Variants in MYH11 observed in about 807,000 individuals in gnomAD.
The protein encoded by MYH11 is myosin-11.
MYH11 carries 80 observed loss-of-function variants against 246.6 expected under a neutral mutation model. The ratio of observed to expected loss-of-function variants is 0.32; its 90% confidence interval spans 0.27 to 0.39. The LOEUF is 0.39. Ranked by LOEUF, MYH11 falls within the 10% of genes least tolerant of loss-of-function variation. The pLI, the probability that MYH11 is intolerant of heterozygous loss-of-function variation, is 1.00. For missense variants in MYH11, 2,158 were observed against 2,546.8 expected (o/e 0.85, Z 3.29); for synonymous variants, 1,071 against 1,015.5 (o/e 1.05, Z -1.04).
chr16:15,774,735 G>A (rs372256820), intron 8 of MYH11, among the ~76,000 whole-genome samples: 2 of 152,078 alleles, frequency 1.3e-5, no homozygotes, highest in African/African-American at 2.4e-5. Context: ...GATGACAGGC[G>A]CCAGCCACCA....
intron 26 of MYH11, 105 bp downstream of exon 26, chr16:15,735,261 T>A: frequency 1.6e-6 from 2 of 1,262,008 alleles, no homozygotes; most frequent in Non-Finnish European, 2.3e-6. Flanking sequence ...GGAAGGTAAA[T>A]GCACAGGGGC....
At chr16:15,781,332 G>A (rs1414393259) in intron 6 of MYH11, among the ~76,000 whole-genome samples, 6 of 151,994 alleles carry the variant, frequency 3.9e-5, no homozygotes, top group Admixed American at 1.3e-4. Context: ...TTCTAATTTC[G>A]GGCGAGGAAA....
intron 3 of MYH11, among the ~76,000 whole-genome samples, chr16:15,819,860 G>A (rs77081170): frequency 0.14 from 20,836 of 152,128 alleles, 1,471 homozygotes; most frequent in East Asian, 0.15. Context: ...CAACACAAAA[G>A]TATTCTTCAA....
intron 1 of MYH11, among the ~76,000 whole-genome samples, chr16:15,855,759 C>T (rs778035187): frequency 2.8e-4 from 42 of 152,156 alleles, no homozygotes; most frequent in Non-Finnish European, 5.4e-4. Context: ...CGTCAAGTTC[C>T]GTCTCTGAAC....
intron 40 of MYH11, 194 bp downstream of exon 40, chr16:15,714,715 C>T: frequency 1.4e-6 from 1 of 700,326 alleles, no homozygotes; most frequent in African/African-American, 1.8e-5. Context: ...TGCTACCAGG[C>T]AAGGCAGGGC....
At chr16:15,835,843 T>C (rs1378915758) in intron 2 of MYH11, among the ~76,000 whole-genome samples, 1 of 150,164 alleles carries the variant, frequency 6.7e-6, no homozygotes, top group Non-Finnish European at 1.5e-5. Flanking sequence ...AGCCTTGAAC[T>C]CCTGGGCTCA....
chr16:15,794,657 C>A (rs62030578), intron 4 of MYH11, among the ~76,000 whole-genome samples: 13,695 of 152,014 alleles, frequency 0.09, 830 homozygotes, highest in Non-Finnish European at 0.12. Flanking sequence ...CTGAGAAGAT[C>A]GAGGGGAAGG....
chr16:15,830,776 G>A (rs1596920841), intron 2 of MYH11, among the ~76,000 whole-genome samples: 1 of 152,052 alleles, frequency 6.6e-6, no homozygotes, highest in Non-Finnish European at 1.5e-5. Flanking sequence ...TACTCAGGAG[G>A]CTGGGGCGGG....
At chr16:15,714,615 G>A (rs1372039859) in intron 40 of MYH11, 2 of 547,030 alleles carry the variant, frequency 3.7e-6, no homozygotes, top group Non-Finnish European at 6.6e-6. Context: ...AGGAGGGGCT[G>A]GAGGAGACAG....
chr16:15,792,616 A>C (rs973892068), intron 4 of MYH11: 1 of 152,044 alleles, frequency 6.6e-6, no homozygotes, highest in African/African-American at 2.4e-5. Flanking sequence ...TGTTTCAATA[A>C]AACTTTATCT....
chr16:15,845,722 GAA>G (rs1491472141), intron 1 of MYH11, among the ~76,000 whole-genome samples: 3 of 151,960 alleles, frequency 2.0e-5, no homozygotes, highest in Admixed American at 6.6e-5. Flanking sequence ...GAGAGAGAGA[GAA>G]AAAGAAGGAG....
chr16:15,704,976 GC>G, intron 40 of MYH11, among the ~76,000 whole-genome samples: 1 of 152,274 alleles, frequency 6.6e-6, no homozygotes, highest in Non-Finnish European at 1.5e-5. Flanking sequence ...ACCACACCTG[GC>G]CTTCAAGGTG....
Position 15,825,762 on chromosome 16 carries a change from G to A in MYH11, c.346-2351C>T, listed in dbSNP as rs550847821. On this transcript the variant is annotated intron_variant, in intron 2 of 40. Coordinates refer to ENST00000300036, the MANE Select transcript of MYH11 (RefSeq NM_002474.3). ...CAAGGCGAGTCCCGCCATGCTGTAC[G>A]TGGTAAGGCACTATTGTCATGATTT... 5.3e-5 allele frequency among the ~76,000 whole-genome samples: 8 copies of A among 152,158 alleles called. No homozygotes were observed. The South Asian group carries it at 8.3e-4, about 16-fold the overall frequency.
chr16:15,826,135 A>ATCGT (rs749414391), intron 2 of MYH11, among the ~76,000 whole-genome samples: 184 of 150,474 alleles, frequency 1.2e-3, no homozygotes, highest in Admixed American at 5.2e-3. Context: ...GAAACTACTG[A>ATCGT]TCGTTCGTTC....
At chr16:15,715,450 A>C (rs1421896549) in intron 38 of MYH11, among the ~76,000 whole-genome samples, 178 bp from the exon 39 acceptor site, 2 of 152,210 alleles carry the variant, frequency 1.3e-5, no homozygotes, top group Admixed American at 1.3e-4. Context: ...GTATCAATGC[A>C]TGCCACAGCA....
At chr16:15,821,416 A>G (rs2043407022) in intron 3 of MYH11, among the ~76,000 whole-genome samples, 3 of 152,220 alleles carry the variant, frequency 2.0e-5, no homozygotes, top group Admixed American at 2.0e-4. Flanking sequence ...GGTGCCAGCA[A>G]GTTCTCTTTT....
In MYH11 at chr16:15,771,603, C is replaced by T. The variant is rs751216435; in HGVS notation, c.999G>A (p.Met333Ile). ...CCTCCTCGCTGAAACCCATGATTGC[C>T]ATGGCCTCCACGGTTTCCTGGAACA... ...DEMFQETVEA[M>I]AIMGFSEEEQ... Residue 333 changes from methionine to isoleucine, a missense_variant, in exon 9 of 41, where the codon ATG becomes ATA. Coordinates refer to ENST00000300036, the MANE Select transcript of MYH11 (RefSeq NM_002474.3). 6.2e-7 allele frequency: 1 copy of T among 1,614,030 alleles called. No individual in the cohort carries two copies. Among genetic ancestry groups the T allele is most frequent in the Non-Finnish European group, 8.5e-7 (1 of 1,180,004 alleles).
chr16:15,777,971 T>C lies in MYH11; in HGVS notation c.790+809A>G, dbSNP rs146517135. ...ATCCAGGGCACATAACGTGGAAAAATGGGACCACTAGGTGCTGCTAGAGGA... is the reference window on the plus strand; with the variant it reads ...ATCCAGGGCACATAACGTGGAAAAACGGGACCACTAGGTGCTGCTAGAGGA... On this transcript the variant is annotated intron_variant, in intron 7 of 40. Transcript: ENST00000300036. 2.6e-5 allele frequency among the ~76,000 whole-genome samples: 4 copies of C among 152,018 alleles called. No homozygotes were observed. The East Asian group carries it at 7.8e-4, about 29-fold the overall frequency.
At chr16:15,707,912 C>T (rs930416287) in intron 40 of MYH11, among the ~76,000 whole-genome samples, 2 of 140,644 alleles carry the variant, frequency 1.4e-5, no homozygotes, top group Non-Finnish European at 3.0e-5. Flanking sequence ...GCAAAGGTTG[C>T]GGTGAGCCAA....
Sources: allele counts gnomAD v4.1 joint callset (sites outside exome capture counted in the v4.1 genomes callset), GRCh38; gene constraint gnomAD v4.1.1; transcripts MANE v1.5; gene names NCBI Gene and HGNC (gene_info 2026-07-23, HGNC 2026-07-21).